The following TNPO1 variants were observed in gnomAD, a reference collection of about 807,000 sequenced individuals.
TNPO1 encodes transportin 1.
Under a neutral mutation model 119.5 loss-of-function variants are expected in TNPO1, and 8 were observed. The observed-to-expected ratio is 0.07, with a 90% CI of 0.04 to 0.12. TNPO1 has a LOEUF of 0.12. Among genes scored for constraint, TNPO1 ranks in the 10% least tolerant of loss-of-function variants. The pLI, the probability that TNPO1 is intolerant of heterozygous loss-of-function variation, is 1.00. For synonymous variants in TNPO1, 362 were observed against 363.0 expected, an observed-to-expected ratio of 1.00 and a Z score of 0.03; for missense variants, 576 against 1,089.8, an observed-to-expected ratio of 0.53 and a Z score of 6.64.
chr5:72,876,505 T>C (rs1229149021), intron 8 of TNPO1, among the ~76,000 whole-genome samples: 2 of 152,182 alleles, frequency 1.3e-5, no homozygotes, highest in Non-Finnish European at 2.9e-5. Context: ...AATGAAAAAT[T>C]ATCTTTATAA....
At chr5:72,848,080 T>G (rs778160263) in intron 1 of TNPO1, 7 of 1,101,528 alleles carry the variant, frequency 6.4e-6, no homozygotes, top group Non-Finnish European at 7.8e-6. Context: ...CCCAGGGGGC[T>G]CCCGTGAGCG....
intron 1 of TNPO1, among the ~76,000 whole-genome samples, chr5:72,834,825 GTTAAGTCCC>G (rs1744624594): frequency 1.3e-5 from 2 of 152,002 alleles, no homozygotes; most frequent in Non-Finnish European, 2.9e-5. Context: ...CTCCATTCAT[GTTAAGTCCC>G]TTATATTGAT....
At chr5:72,848,155 C>CGCGGCG in intron 1 of TNPO1, 1 of 1,210,662 alleles carries the variant, frequency 8.3e-7, no homozygotes, top group South Asian at 2.5e-5. Flanking sequence ...GCTCGGCGGC[C>CGCGGCG]GCGGCGGCAG....
At chr5:72,906,282 T>C (rs866098399) in intron 24 of TNPO1, among the ~76,000 whole-genome samples, 91 of 60,828 alleles carry the variant, frequency 1.5e-3, no homozygotes, top group African/African-American at 5.1e-3. Flanking sequence ...TTTCTTTTTT[T>C]TTTTTTTTTT....
chr5:72,842,747 C>CTA (rs1744970705), intron 1 of TNPO1, among the ~76,000 whole-genome samples: 1 of 152,126 alleles, frequency 6.6e-6, no homozygotes, highest in African/African-American at 2.4e-5. Flanking sequence ...AATATTAAAG[C>CTA]TATAGAACAA....
At chr5:72,878,838 TC>T in intron 9 of TNPO1, 3 of 433,504 alleles carry the variant, frequency 6.9e-6, no homozygotes, top group Non-Finnish European at 9.2e-6. Flanking sequence ...AGAGCAGAAA[TC>T]CGCTTTTATT....
At chr5:72,899,032 C>T (rs149364127) in intron 20 of TNPO1, among the ~76,000 whole-genome samples, 70 of 152,060 alleles carry the variant, frequency 4.6e-4, no homozygotes, top group East Asian at 1.4e-3. Flanking sequence ...AATGCAGTTC[C>T]GAGTTGCACT....
chr5:72,844,989 A>ACTCACCAC (rs1415574019), intron 1 of TNPO1, among the ~76,000 whole-genome samples: 5 of 151,824 alleles, frequency 3.3e-5, no homozygotes, highest in Non-Finnish European at 7.4e-5. Context: ...TATCACAGTA[A>ACTCACCAC]CTCACCACTT....
intron 2 of TNPO1, 76 bp from the exon 3 acceptor site, chr5:72,851,168 T>C: frequency 1.1e-6 from 1 of 916,118 alleles, no homozygotes; most frequent in Admixed American, 2.4e-5. Context: ...AAGAGATCCT[T>C]GATTTTTAGA....
chr5:72,886,853 C>T (rs1057348259), intron 11 of TNPO1, among the ~76,000 whole-genome samples: 2 of 136,180 alleles, frequency 1.5e-5, no homozygotes, highest in African/African-American at 2.8e-5. Flanking sequence ...CGCACCACTG[C>T]ACTCCAGCCT....
At chr5:72,890,824 G>A (rs913123932) in intron 14 of TNPO1, among the ~76,000 whole-genome samples, 4 of 152,080 alleles carry the variant, frequency 2.6e-5, no homozygotes, top group Non-Finnish European at 5.9e-5. Flanking sequence ...TATAGTAACA[G>A]CCATATTACA....
At chr5:72,820,211 C>G (rs1743891388) in intron 1 of TNPO1, among the ~76,000 whole-genome samples, 1 of 152,030 alleles carries the variant, frequency 6.6e-6, no homozygotes, top group Non-Finnish European at 1.5e-5. Context: ...TAAACAGTTT[C>G]TAATTTTTTT....
chr5:72,823,437 G>T (rs1304942697), intron 1 of TNPO1, among the ~76,000 whole-genome samples: 2 of 152,034 alleles, frequency 1.3e-5, no homozygotes, highest in Non-Finnish European at 2.9e-5. Context: ...ATACCCTCGT[G>T]CACTGTCAAT....
At chr5:72,817,150 G>T (rs1262217610) in intron 1 of TNPO1, among the ~76,000 whole-genome samples, 1 of 152,200 alleles carries the variant, frequency 6.6e-6, no homozygotes, top group Non-Finnish European at 1.5e-5. Flanking sequence ...ACTGGTTCTG[G>T]GCGCTGGCCG....
intron 6 of TNPO1, 144 bp downstream of exon 6, chr5:72,865,873 T>A: frequency 2.3e-6 from 2 of 885,752 alleles, no homozygotes; most frequent in Non-Finnish European, 3.3e-6. Flanking sequence ...TAATTGAAAT[T>A]GACTACTTCA....
intron 3 of TNPO1, among the ~76,000 whole-genome samples, chr5:72,853,028 CCA>C: frequency 6.6e-6 from 1 of 152,038 alleles, no homozygotes; most frequent in Non-Finnish European, 1.5e-5. Flanking sequence ...ACTAAGCTGT[CCA>C]CTCTCATGTT....
At chr5:72,894,343 C>A (rs1749269084) in intron 18 of TNPO1, among the ~76,000 whole-genome samples, 1 of 151,888 alleles carries the variant, frequency 6.6e-6, no homozygotes, top group South Asian at 2.1e-4. Context: ...GGATTTTTTT[C>A]CCCCTTTTCT....
In TNPO1 at chr5:72,914,119, C is replaced by T. The variant is rs1266369578; in HGVS notation, c.*5446C>T. 6.6e-6 allele frequency: 1 copy of T among 152,556 alleles called. No homozygotes were observed. Among genetic ancestry groups the T allele is most frequent in the African/African-American group, 2.4e-5 (1 of 41,430 alleles). The allele number at this position is 152,556 out of a possible 1,614,324, so 9.5% of individuals were successfully genotyped here. On this transcript the variant is annotated 3_prime_UTR_variant, in exon 25 of 25. Transcript: ENST00000337273. ...GTTAGAATGTGTCCTTCAAACATAT[C>T]CTCCTGCAACTTCTCAAACTGTACT...
intron 9 of TNPO1, chr5:72,879,113 T>C (rs1326754944): frequency 4.6e-6 from 1 of 215,294 alleles, no homozygotes; most frequent in East Asian, 1.3e-4. Context: ...ACAAGAGCTG[T>C]GTGTTTCCTT....
Sources: allele counts gnomAD v4.1 joint callset (sites outside exome capture counted in the v4.1 genomes callset), GRCh38; gene constraint gnomAD v4.1.1; transcripts MANE v1.5; gene names NCBI Gene and HGNC (gene_info 2026-07-23, HGNC 2026-07-21).